RNF19A: variants seen among roughly 807,000 people sequenced by gnomAD.
The protein encoded by RNF19A is ring finger protein 19A, RBR E3 ubiquitin protein ligase.
In RNF19A, 32 loss-of-function variants were observed where a neutral mutation model predicts 75.7. The observed-to-expected ratio is 0.42, with a 90% confidence interval of 0.32 to 0.57. The LOEUF is 0.57. RNF19A is among the 20% of genes least tolerant of loss of function. RNF19A has a pLI of 0.10. For missense variants in RNF19A, 782 were observed against 1,036.3 expected (o/e 0.75, Z 3.37); for synonymous variants, 335 against 345.2 (o/e 0.97, Z 0.33).
intron 3 of RNF19A, 82 bp from the exon 4 acceptor site, chr8:100,270,095 G>C: frequency 1.7e-6 from 2 of 1,192,282 alleles, no homozygotes; most frequent in Non-Finnish European, 2.2e-6. Flanking sequence ...TTGTAGCACT[G>C]TCAAAAAATC....
At chr8:100,277,074 G>C (rs914690502) in intron 2 of RNF19A, among the ~76,000 whole-genome samples, 26 of 152,038 alleles carry the variant, frequency 1.7e-4, no homozygotes, top group African/African-American at 6.3e-4. Context: ...AAAATTTCTA[G>C]AAGTTTCTAG....
chr8:100,274,202 G>A (rs887324427), intron 3 of RNF19A, among the ~76,000 whole-genome samples: 4 of 152,196 alleles, frequency 2.6e-5, no homozygotes, highest in Non-Finnish European at 5.9e-5. Context: ...CTCTTGCTCT[G>A]TATGACTGTG....
In RNF19A at chr8:100,275,073, T is replaced by A; in HGVS notation, c.763A>T (p.Lys255Ter). 6.2e-7 allele frequency: 1 copy of A among 1,614,186 alleles called. No homozygotes were observed. Among genetic ancestry groups the A allele is most frequent in the Non-Finnish European group, 8.5e-7 (1 of 1,180,022 alleles). ...GTCTGGTTGGGGTGCCAAATCTGTT[T>A]ACAGTGGTAGCAAAACTCTGTTCCA... ...GCGTEFCYHC[K>*]QIWHPNQTCD... is the part of the protein sequence containing the mutation. The change falls in exon 3 of 10, where the codon AAA becomes TAA. Residue 255 changes from lysine to a stop codon, truncating the protein, a stop_gained. Coordinates refer to ENST00000341084, the MANE Select transcript of RNF19A (RefSeq NM_183419.4). LOFTEE classifies it high-confidence loss of function. The surrounding 1 kb of genome is among the most constrained non-coding windows in gnomAD (Gnocchi z 4.3).
chr8:100,316,864 A>G lies in RNF19A; in HGVS notation c.-242-3492T>C, dbSNP rs546145179. On this transcript the variant is annotated intron_variant, in intron 1 of 3. Transcript: ENST00000519527. ...GGAGGCTCAGGCCGCACAGCAACTC[A>G]TGGAGTGGGTGGGAGGCTCAGGCAT... 2.0e-4 allele frequency among the ~76,000 whole-genome samples: 30 copies of G among 152,144 alleles called. No individual in the cohort carries two copies. The South Asian group carries it at 5.8e-3, about 29-fold the overall frequency.
At chr8:100,271,444 G>A (rs953606289) in intron 3 of RNF19A, among the ~76,000 whole-genome samples, 5 of 152,180 alleles carry the variant, frequency 3.3e-5, no homozygotes, top group African/African-American at 4.8e-5. Flanking sequence ...TCCTATCTGC[G>A]TAAGCAGCAT....
chr8:100,288,996 C>A (rs1291346375), intron 1 of RNF19A, among the ~76,000 whole-genome samples: 1 of 147,240 alleles, frequency 6.8e-6, no homozygotes, highest in Non-Finnish European at 1.5e-5. Context: ...GGAAGTGGAG[C>A]TTGCAGTGAG....
At position 100,286,339 on chromosome 8, in the gene RNF19A, T is replaced by G. The variant is rs184880312; in HGVS notation, c.674+1162A>C. ...TAACGTATTTTGTTGTTATCTATAT[T>G]ATAGTACAAGCTCCCTGCAGTATAG... On this transcript the variant is annotated intron_variant, in intron 2 of 9. Coordinates refer to ENST00000341084, the MANE Select transcript of RNF19A (RefSeq NM_183419.4). 5.3e-5 allele frequency among the ~76,000 whole-genome samples: 8 copies of G among 152,326 alleles called. No homozygotes were observed. The East Asian group carries it at 1.5e-3, about 29-fold the overall frequency.
intron 5 of RNF19A, among the ~76,000 whole-genome samples, chr8:100,267,551 T>C (rs1382401315): frequency 1.3e-5 from 2 of 152,020 alleles, no homozygotes; most frequent in East Asian, 1.9e-4. Context: ...TAAATTTTTT[T>C]GAGAGATGGG....
In RNF19A at chr8:100,330,746, A is replaced by G. The variant is rs1269402140; in HGVS notation, c.-243+5362T>C. ...TTGAAGCCAAAGTAGTCTGAACAAT[A>G]TGTTTGTCCTTTCAGTTTCTAACTT... On this transcript the variant is annotated intron_variant, in intron 1 of 3. Transcript: ENST00000519527. This position sits in a 1 kb window ranked among gnomAD's most constrained non-coding sequence, Gnocchi z 4.1. Among the ~76,000 whole-genome samples, 1 of 152,184 alleles carries G rather than the reference A, an allele frequency of 6.6e-6. No individual in the cohort carries two copies. Among genetic ancestry groups the G allele is most frequent in the Non-Finnish European group, 1.5e-5 (1 of 68,028 alleles).
intron 1 of RNF19A, among the ~76,000 whole-genome samples, chr8:100,334,667 T>C (rs1207078657): frequency 1.3e-5 from 2 of 152,206 alleles, no homozygotes; most frequent in Non-Finnish European, 2.9e-5. Context: ...GCTCCCTTGT[T>C]GATTCTAACG....
Position 100,290,344 on chromosome 8 carries a change from C to T in RNF19A, c.-93-2077G>A, listed in dbSNP as rs551576298. On this transcript the variant is annotated intron_variant, in intron 1 of 9. Coordinates refer to ENST00000341084, the MANE Select transcript of RNF19A (RefSeq NM_183419.4). ...CTCGAACTCCTGACCTCAAGTGATC[C>T]GCCCGCCTTGGCCTCCCAAAGTGCT... Among the ~76,000 whole-genome samples the T allele has an allele frequency of 5.5e-4, 84 of 152,236 alleles. 1 individual carries two copies. The highest frequency in any genetic ancestry group is 7.5e-4 in the Non-Finnish European group (51 of 68,020).
upstream of RNF19A, among the ~76,000 whole-genome samples, chr8:100,311,494 G>A (rs966533063): frequency 3.3e-5 from 5 of 151,984 alleles, no homozygotes; most frequent in Admixed American, 2.6e-4. Flanking sequence ...CGAGGCGGGC[G>A]GATCACGAGG....
intron 1 of RNF19A, among the ~76,000 whole-genome samples, chr8:100,334,528 T>C (rs1049330085): frequency 5.3e-5 from 8 of 152,224 alleles, no homozygotes; most frequent in Non-Finnish European, 8.8e-5. Context: ...GAGCCCTGGC[T>C]GCACATTATA....
chr8:100,287,783 T>A lies in RNF19A; in HGVS notation c.392A>T (p.Glu131Val), dbSNP rs1348454633. 6.2e-7 allele frequency: 1 copy of A among 1,614,082 alleles called. No individual in the cohort carries two copies. The highest frequency in any genetic ancestry group is 8.5e-7 in the Non-Finnish European group (1 of 1,180,044). ...ATGCCGCAAAAGGCACAAAGGGCAC[T>A]CTATGAAGTCTCCAATTTGTTTGCT... is the stretch of plus-strand genomic sequence containing the variant. ...SISKQIGDFIECPLCLLRHSK... is the reference protein window; with the variant it reads ...SISKQIGDFIVCPLCLLRHSK... The change falls in exon 2 of 10, where the codon GAG (glutamate) becomes GTG (valine). Residue 131 changes from glutamate to valine, a missense_variant. This residue lies in a region of RNF19A where 85 missense variants were observed against 177.7 expected (regional missense o/e 0.48). Transcript: ENST00000341084. This position sits in a 1 kb window ranked among gnomAD's most constrained non-coding sequence, Gnocchi z 4.1.
rs1317908501 is a variant in RNF19A, at chr8:100,261,776, G to C, written c.1469-21C>G. 2.0e-5 allele frequency: 32 copies of C among 1,606,380 alleles called. No individual in the cohort carries two copies. Among genetic ancestry groups the C allele is most frequent in the Non-Finnish European group, 2.7e-5 (32 of 1,173,050 alleles). On this transcript the variant is annotated intron_variant, in intron 7 of 9. Transcript: ENST00000341084. The surrounding 1 kb of genome is among the most constrained non-coding windows in gnomAD (Gnocchi z 4.4). The stretch of plus-strand genomic sequence containing the variant: ...TGTGTCTAAATGCAAATATTCCAAA[G>C]AAACTAAGTAAGTATGATTATCAAT...
Position 100,333,286 on chromosome 8 carries a change from A to T in RNF19A, c.-243+2822T>A. ...CTTCCCAGATCCAGAACAATGAGCC[A>T]AATACACTTCTATTGTTTAACAATT... is the stretch of plus-strand genomic sequence containing the variant. On this transcript the variant is annotated intron_variant, in intron 1 of 3. Coordinates refer to the RNF19A transcript ENST00000519527. This position sits in a 1 kb window ranked among gnomAD's most constrained non-coding sequence, Gnocchi z 4.7. Among the ~76,000 whole-genome samples the T allele has an allele frequency of 6.6e-6, 1 of 152,250 alleles. No homozygotes were observed. The highest frequency in any genetic ancestry group is 6.5e-5 in the Admixed American group (1 of 15,290).
At chr8:100,312,597 A>G (rs1021716520), upstream of RNF19A, among the ~76,000 whole-genome samples, 4 of 152,100 alleles carry the variant, frequency 2.6e-5, no homozygotes, top group Non-Finnish European at 4.4e-5. Context: ...GTCTCAAGAA[A>G]GAATGAAAGA....
intron 1 of RNF19A, among the ~76,000 whole-genome samples, chr8:100,298,675 CTGTT>C (rs1821684866): frequency 1.3e-5 from 2 of 152,154 alleles, no homozygotes; most frequent in Non-Finnish European, 2.9e-5. Flanking sequence ...CCACATCTAC[CTGTT>C]TAAGTCCATA....
rs1822627494 is a variant in RNF19A, at chr8:100,332,764, G to A, written c.-243+3344C>T. On this transcript the variant is annotated intron_variant, in intron 1 of 3. Transcript: ENST00000519527. This position sits in a 1 kb window ranked among gnomAD's most constrained non-coding sequence, Gnocchi z 4.8. ...TTGTGAGTGAAGTGGATTATCTTTT[G>A]TTTTTAAAACCCATTTGTATTTCCT... 6.6e-6 allele frequency among the ~76,000 whole-genome samples: 1 copy of A among 152,036 alleles called. No individual in the cohort carries two copies. The highest frequency in any genetic ancestry group is 6.5e-5 in the Admixed American group (1 of 15,280).
Sources: gnomAD v4.1 joint callset for allele counts (sites outside exome capture counted in the v4.1 genomes callset) on GRCh38, gnomAD v4.1.1 for gene constraint, gnomAD v4.1.1 regional missense constraint, Gnocchi (gnomAD v3.1) non-coding constraint, MANE v1.5 for transcripts, NCBI Gene and HGNC (gene_info 2026-07-23, HGNC 2026-07-21) for gene names.